Variants in CTNNA2 observed in about 807,000 individuals in gnomAD.
CTNNA2 encodes catenin alpha 2.
CTNNA2 carries 42 observed loss-of-function variants against 101.0 expected under a neutral mutation model. The ratio of observed to expected loss-of-function variants is 0.42; its 90% CI spans 0.32 to 0.54. The LOEUF (loss-of-function observed/expected upper bound fraction) is 0.54. CTNNA2 is among the 20% of genes least tolerant of loss of function. CTNNA2 has a pLI of 0.14. For missense variants in CTNNA2, 871 were observed against 1,223.1 expected (o/e 0.71, Z 4.29); for synonymous variants, 450 against 456.4 (o/e 0.99, Z 0.18).
At chr2:79,570,058 C>T (rs538088944) in intron 1 of CTNNA2, among the ~76,000 whole-genome samples, 4 of 152,258 alleles carry the variant, frequency 2.6e-5, no homozygotes, top group South Asian at 4.2e-4. Context: ...ATGTCTTAAA[C>T]CAGAACTTCA....
intron 3 of CTNNA2, among the ~76,000 whole-genome samples, chr2:79,784,650 C>G (rs1389131224): frequency 6.6e-6 from 1 of 151,864 alleles, no homozygotes; most frequent in Non-Finnish European, 1.5e-5. Flanking sequence ...TCTAATAACC[C>G]TCATCTCTTC....
At chr2:80,048,207 A>C (rs939779600) in intron 7 of CTNNA2, among the ~76,000 whole-genome samples, 32 of 152,218 alleles carry the variant, frequency 2.1e-4, no homozygotes, top group African/African-American at 7.5e-4. Context: ...GTATAAGTAG[A>C]TTCCATGCAA....
intron 7 of CTNNA2, among the ~76,000 whole-genome samples, chr2:80,031,940 AT>A (rs1472129922): frequency 6.6e-6 from 1 of 152,224 alleles, no homozygotes; most frequent in African/African-American, 2.4e-5. Flanking sequence ...AAAAGACGAA[AT>A]TTGTTTTAAA....
intron 9 of CTNNA2, among the ~76,000 whole-genome samples, chr2:80,480,529 G>C (rs921273535): frequency 6.6e-6 from 1 of 152,112 alleles, no homozygotes; most frequent in Non-Finnish European, 1.5e-5. Context: ...TGAGATGTAA[G>C]TATCGTTGCT....
chr2:79,738,944 A>C (rs1671089097), intron 2 of CTNNA2, among the ~76,000 whole-genome samples: 1 of 152,260 alleles, frequency 6.6e-6, no homozygotes, highest in African/African-American at 2.4e-5. Flanking sequence ...CTTTCCAAAT[A>C]ATTTATAGGT....
intron 7 of CTNNA2, among the ~76,000 whole-genome samples, chr2:80,176,564 C>T (rs1328152312): frequency 6.6e-6 from 1 of 152,140 alleles, no homozygotes; most frequent in African/African-American, 2.4e-5. Flanking sequence ...GGTTTTTTTA[C>T]CTGGTGGAGT....
At chr2:80,453,529 G>A (rs1311383491) in intron 9 of CTNNA2, among the ~76,000 whole-genome samples, 2 of 151,792 alleles carry the variant, frequency 1.3e-5, no homozygotes, top group Non-Finnish European at 2.9e-5. Context: ...TGTGTGATTC[G>A]CTCACGTAAT....
intron 7 of CTNNA2, among the ~76,000 whole-genome samples, chr2:80,169,304 G>T (rs1704898409): frequency 6.6e-6 from 1 of 152,182 alleles, no homozygotes; most frequent in Non-Finnish European, 1.5e-5. Flanking sequence ...ATGGAGCTGG[G>T]ATCGGAGGGG....
intron 3 of CTNNA2, among the ~76,000 whole-genome samples, chr2:79,768,105 G>A (rs1451936888): frequency 6.6e-6 from 1 of 151,720 alleles, no homozygotes; most frequent in Non-Finnish European, 1.5e-5. Context: ...CCTGGCTAGG[G>A]CTGGTCTACA....
chr2:80,316,655 G>A (rs999527639), intron 7 of CTNNA2, among the ~76,000 whole-genome samples: 13 of 152,176 alleles, frequency 8.5e-5, no homozygotes, highest in South Asian at 2.1e-4. Flanking sequence ...CTGTTGTTTT[G>A]TGTGATGTTT....
intron 2 of CTNNA2, among the ~76,000 whole-genome samples, chr2:79,682,722 G>A (rs1012385731): frequency 1.3e-5 from 2 of 152,066 alleles, no homozygotes; most frequent in African/African-American, 2.4e-5. Flanking sequence ...TATCACGTTT[G>A]TGCTTTGGTA....
At chr2:79,940,655 G>A (rs1688092559) in intron 7 of CTNNA2, among the ~76,000 whole-genome samples, 1 of 152,192 alleles carries the variant, frequency 6.6e-6, no homozygotes, top group South Asian at 2.1e-4. Context: ...TTTTCCTCTG[G>A]CACATTTCTG....
intron 9 of CTNNA2, among the ~76,000 whole-genome samples, chr2:80,432,753 C>T (rs1681660239): frequency 6.6e-6 from 1 of 152,182 alleles, no homozygotes; most frequent in Non-Finnish European, 1.5e-5. Context: ...ATCCAAGACA[C>T]ATGAGCTCTA....
At chr2:80,013,193 T>A (rs945574083) in intron 7 of CTNNA2, among the ~76,000 whole-genome samples, 7 of 152,084 alleles carry the variant, frequency 4.6e-5, no homozygotes, top group Admixed American at 3.9e-4. Context: ...CAAAACAGTC[T>A]CAAAGAGGCC....
chr2:79,876,543 G>A (rs888251098), intron 6 of CTNNA2, among the ~76,000 whole-genome samples: 2 of 152,122 alleles, frequency 1.3e-5, no homozygotes, highest in African/African-American at 4.8e-5. Flanking sequence ...GTGAGGAGCT[G>A]GTTAAGAGTG....
intron 4 of CTNNA2, among the ~76,000 whole-genome samples, chr2:79,390,854 C>T (rs1210393442): frequency 6.6e-6 from 1 of 152,078 alleles, no homozygotes; most frequent in Non-Finnish European, 1.5e-5. Flanking sequence ...CTGTGCTCTC[C>T]AAAAAGACTG....
chr2:79,962,599 TATTA>T (rs1689720072), intron 7 of CTNNA2, among the ~76,000 whole-genome samples: 1 of 152,194 alleles, frequency 6.6e-6, no homozygotes, highest in African/African-American at 2.4e-5. Context: ...TAATATGCCA[TATTA>T]ATCCCCAACA....
chr2:80,380,328 A>G (rs11676131), intron 7 of CTNNA2, among the ~76,000 whole-genome samples: 58,781 of 151,872 alleles, frequency 0.39, 14,286 homozygotes, highest in African/African-American at 0.69. Flanking sequence ...GAGCCACCGC[A>G]CCTGGCCAGA....
intron 7 of CTNNA2, among the ~76,000 whole-genome samples, chr2:79,930,420 A>G (rs1003040708): frequency 2.0e-5 from 3 of 152,186 alleles, no homozygotes; most frequent in African/African-American, 7.2e-5. Context: ...TAACCTTTGT[A>G]GAGCAACCTT....
Sources: gnomAD v4.1 joint callset for allele counts (sites outside exome capture counted in the v4.1 genomes callset) on GRCh38, gnomAD v4.1.1 for gene constraint, MANE v1.5 for transcripts, NCBI Gene and HGNC (gene_info 2026-07-23, HGNC 2026-07-21) for gene names.